ZDHHC17: variants seen among roughly 807,000 people sequenced by gnomAD.
ZDHHC17 encodes zDHHC palmitoyltransferase 17, also known as palmitoyltransferase ZDHHC17.
Under a neutral mutation model 90.3 loss-of-function variants are expected in ZDHHC17, and 40 were observed. That is an observed-to-expected ratio of 0.44 (90% CI 0.34 to 0.58). ZDHHC17 has a LOEUF of 0.58. Among genes scored for constraint, ZDHHC17 ranks in the 20% least tolerant of loss-of-function variants. The pLI is 0.01. For missense variants in ZDHHC17, 614 were observed against 780.8 expected (o/e 0.79, Z 2.55); for synonymous variants, 235 against 252.4 (o/e 0.93, Z 0.65).
chr12:76,797,070 C>T (rs1217147899), intron 1 of ZDHHC17, among the ~76,000 whole-genome samples: 1 of 151,954 alleles, frequency 6.6e-6, no homozygotes, highest in Non-Finnish European at 1.5e-5. Context: ...GGAGACCATC[C>T]TGGCTAACAT....
At chr12:76,849,629 C>T in intron 16 of ZDHHC17, 159 bp downstream of exon 16, 2 of 516,958 alleles carry the variant, frequency 3.9e-6, no homozygotes, top group Non-Finnish European at 6.8e-6. Context: ...AAACAGAATT[C>T]ATCACATTAA....
intron 10 of ZDHHC17, among the ~76,000 whole-genome samples, chr12:76,830,991 A>G (rs548898068): frequency 6.6e-6 from 1 of 152,218 alleles, no homozygotes; most frequent in Non-Finnish European, 1.5e-5. Context: ...AGAACAATCA[A>G]GTCTATTTAG....
At chr12:76,825,962 G>T (rs997018048) in intron 8 of ZDHHC17, among the ~76,000 whole-genome samples, 1 of 152,026 alleles carries the variant, frequency 6.6e-6, no homozygotes, top group African/African-American at 2.4e-5. Context: ...TACAGTACAG[G>T]TGCGTGCTAC....
chr12:76,764,540 C>A, intron 1 of ZDHHC17: 1 of 583,850 alleles, frequency 1.7e-6, no homozygotes, highest in Non-Finnish European at 3.1e-6. Context: ...GGCTCTGGGA[C>A]GCAGTCCCTG....
chr12:76,769,623 G>C (rs1172730265), intron 1 of ZDHHC17, among the ~76,000 whole-genome samples: 2 of 151,826 alleles, frequency 1.3e-5, no homozygotes, highest in African/African-American at 4.8e-5. Flanking sequence ...AATGTTATAG[G>C]TCATATAATA....
At chr12:76,813,134 C>T (rs968144051) in intron 5 of ZDHHC17, among the ~76,000 whole-genome samples, 1 of 151,900 alleles carries the variant, frequency 6.6e-6, no homozygotes, top group African/African-American at 2.4e-5. Context: ...TATGAAAACA[C>T]AACTAAGAAG....
intron 1 of ZDHHC17, among the ~76,000 whole-genome samples, chr12:76,789,829 T>C (rs993846786): frequency 5.3e-5 from 8 of 152,158 alleles, no homozygotes; most frequent in Admixed American, 5.2e-4. Flanking sequence ...AATACCTGAC[T>C]AGTTATTCTC....
At chr12:76,816,157 A>T in intron 7 of ZDHHC17, 138 bp downstream of exon 7, 1 of 554,044 alleles carries the variant, frequency 1.8e-6, no homozygotes, top group Non-Finnish European at 2.9e-6. Context: ...CACATTATGC[A>T]TAATACATTT....
intron 1 of ZDHHC17, among the ~76,000 whole-genome samples, chr12:76,795,823 A>C (rs1952813269): frequency 6.6e-6 from 1 of 152,186 alleles, no homozygotes; most frequent in Non-Finnish European, 1.5e-5. Flanking sequence ...CAACCTCTTA[A>C]AAAATCATTT....
chr12:76,779,193 G>A (rs777144344), intron 1 of ZDHHC17, among the ~76,000 whole-genome samples: 1 of 152,124 alleles, frequency 6.6e-6, no homozygotes, highest in Non-Finnish European at 1.5e-5. Context: ...AGTTTTGAGA[G>A]CTGTTTATAT....
chr12:76,778,101 T>G (rs1952579747), intron 1 of ZDHHC17, among the ~76,000 whole-genome samples: 1 of 152,216 alleles, frequency 6.6e-6, no homozygotes, highest in Non-Finnish European at 1.5e-5. Flanking sequence ...GACTCTGGTG[T>G]TGACCATTAG....
chr12:76,808,172 TTA>T (rs1952976595), intron 3 of ZDHHC17, among the ~76,000 whole-genome samples: 1 of 152,218 alleles, frequency 6.6e-6, no homozygotes, highest in Non-Finnish European at 1.5e-5. Flanking sequence ...AGTAAATGCA[TTA>T]CTGATCTAGA....
At chr12:76,838,461 AG>A (rs1158558031) in intron 10 of ZDHHC17, among the ~76,000 whole-genome samples, 1 of 152,118 alleles carries the variant, frequency 6.6e-6, no homozygotes, top group Non-Finnish European at 1.5e-5. Context: ...GTTTGGTACA[AG>A]GATATTGAAG....
intron 6 of ZDHHC17, among the ~76,000 whole-genome samples, chr12:76,815,628 T>C (rs1380328654): frequency 6.6e-6 from 1 of 151,856 alleles, no homozygotes; most frequent in Non-Finnish European, 1.5e-5. Flanking sequence ...CAGGACCAAG[T>C]TGCTTATCCC....
At chr12:76,791,121 A>T (rs185361360) in intron 1 of ZDHHC17, among the ~76,000 whole-genome samples, 19 of 152,300 alleles carry the variant, frequency 1.2e-4, no homozygotes, top group Non-Finnish European at 2.4e-4. Flanking sequence ...AGCCGAGAAA[A>T]CATGGTGTTT....
chr12:76,786,604 G>T (rs1055526011), intron 1 of ZDHHC17, among the ~76,000 whole-genome samples: 1 of 152,078 alleles, frequency 6.6e-6, no homozygotes, highest in African/African-American at 2.4e-5. Context: ...CCTCAGGCTG[G>T]TCTCAAACTC....
At chr12:76,776,011 A>C (rs1285856692) in intron 1 of ZDHHC17, among the ~76,000 whole-genome samples, 1 of 152,144 alleles carries the variant, frequency 6.6e-6, no homozygotes, top group Non-Finnish European at 1.5e-5. Context: ...TGAGAGGTTA[A>C]TTAGCTTGAT....
chr12:76,770,592 G>A (rs1000151270), intron 1 of ZDHHC17, among the ~76,000 whole-genome samples: 2 of 152,146 alleles, frequency 1.3e-5, no homozygotes, highest in African/African-American at 2.4e-5. Context: ...CCTAGAGAGG[G>A]TTGTAAGGGT....
intron 8 of ZDHHC17, 33 bp from the exon 9 acceptor site, chr12:76,826,875 C>T (rs1953236556): frequency 6.7e-7 from 1 of 1,494,172 alleles, no homozygotes; most frequent in Admixed American, 2.8e-5. Flanking sequence ...TTGAAACATG[C>T]AAAAACTTTT....
Sources: allele counts gnomAD v4.1 joint callset (sites outside exome capture counted in the v4.1 genomes callset), GRCh38; gene constraint gnomAD v4.1.1; transcripts MANE v1.5; gene names NCBI Gene and HGNC (gene_info 2026-07-23, HGNC 2026-07-21).